The following LMO3 variants were observed in gnomAD, a reference collection of about 807,000 sequenced individuals.
The protein encoded by LMO3 is LIM domain only 3, also known as LIM domain only protein 3.
A neutral mutation model predicts 15.8 loss-of-function variants in LMO3; 2 were observed. The observed-to-expected ratio is 0.13, with a 90% CI of 0.05 to 0.40. The LOEUF is 0.40. LMO3 is among the 10% of genes least tolerant of loss of function. The pLI is 0.99. For synonymous variants in LMO3, 62 were observed against 63.8 expected, an observed-to-expected ratio of 0.97 and a Z score of 0.13; for missense variants, 86 against 182.2, an observed-to-expected ratio of 0.47 and a Z score of 3.04.
intron 1 of LMO3, chr12:16,605,277 T>G: frequency 8.3e-7 from 1 of 1,200,624 alleles, no homozygotes; most frequent in Non-Finnish European, 1.0e-6. Context: ...TCATGTTCAA[T>G]ATGAAAAAGA....
Position 16,597,312 on chromosome 12 carries a change from A to G in LMO3, c.206+3343T>C, listed in dbSNP as rs1943690184. ...AATGGAAAGACATCAAATTTTCCAT[A>G]ATAATAGTTTCTATAACCCTTAAGA... is the stretch of plus-strand genomic sequence containing the variant. On this transcript the variant is annotated intron_variant, in intron 2 of 3. Transcript: ENST00000537304. The surrounding 1 kb of genome is among the most constrained non-coding windows in gnomAD (Gnocchi z 5.0). Among the ~76,000 whole-genome samples, 1 of 151,836 alleles carries G rather than the reference A, an allele frequency of 6.6e-6. No individual in the cohort carries two copies. Among genetic ancestry groups the G allele is most frequent in the Non-Finnish European group, 1.5e-5 (1 of 67,774 alleles).
At position 16,548,888 on chromosome 12, in the gene LMO3, A is replaced by G. The variant is rs1246265338; in HGVS notation, c.*2334T>C. 1.3e-5 allele frequency: 2 copies of G among 152,182 alleles called. No homozygotes were observed. The highest frequency in any genetic ancestry group is 4.8e-5 in the African/African-American group (2 of 41,444). The allele number at this position is 152,182 out of a possible 1,614,324, so 9.4% of individuals were successfully genotyped here. The stretch of plus-strand genomic sequence containing the variant: ...AGTAATTTTGTTTGTAGTAAAAAGC[A>G]TAAGAAATAATTCTCAGCATATTAT... On this transcript the variant is annotated 3_prime_UTR_variant, in exon 4 of 4. Coordinates refer to ENST00000537304, the MANE Select transcript of LMO3 (RefSeq NM_018640.5). This position sits in a 1 kb window ranked among gnomAD's most constrained non-coding sequence, Gnocchi z 4.2.
At chr12:16,556,393 C>A (rs976637676) in intron 3 of LMO3, among the ~76,000 whole-genome samples, 6 of 152,082 alleles carry the variant, frequency 3.9e-5, no homozygotes, top group Admixed American at 6.5e-5. Context: ...TAGCTATACG[C>A]CTCTAAAAGG....
intron 2 of LMO3, among the ~76,000 whole-genome samples, chr12:16,563,853 T>C (rs1347804675): frequency 6.6e-6 from 1 of 152,228 alleles, no homozygotes; most frequent in East Asian, 1.9e-4. Context: ...AATAAGCTCA[T>C]TGATCTATTT....
chr12:16,552,141 C>T (rs1429250103), intron 3 of LMO3, among the ~76,000 whole-genome samples: 3 of 152,034 alleles, frequency 2.0e-5, no homozygotes, highest in East Asian at 3.9e-4. Context: ...GATTTCCCCA[C>T]GGTGACACTT....
chr12:16,562,388 G>A (rs1942437966), intron 2 of LMO3, among the ~76,000 whole-genome samples: 2 of 152,090 alleles, frequency 1.3e-5, no homozygotes, highest in African/African-American at 2.4e-5. Flanking sequence ...GTTAACATGC[G>A]ATAAAGCCGT....
rs187686901 is a variant in LMO3 at position 16,593,756 on chromosome 12, A to C, written c.206+6899T>G. ...TGATAATAAAGGGGGGAAAGGCATA[A>C]GCCAAAGGAATTGTTTTAAAGTTAG... On this transcript the variant is annotated intron_variant, in intron 2 of 3. Coordinates refer to ENST00000537304, the MANE Select transcript of LMO3 (RefSeq NM_018640.5). This position sits in a 1 kb window ranked among gnomAD's most constrained non-coding sequence, Gnocchi z 4.2. 4.3e-3 allele frequency among the ~76,000 whole-genome samples: 648 copies of C among 151,896 alleles called. 1 individual carries two copies. The highest frequency in any genetic ancestry group is 6.4e-3 in the Non-Finnish European group (436 of 67,724).
At chr12:16,573,663 TCCCTTCCTGC>T (rs1057210755) in intron 2 of LMO3, 4 of 152,276 alleles carry the variant, frequency 2.6e-5, no homozygotes, top group Admixed American at 6.5e-5. Context: ...TCTCTGAGGC[TCCCTTCCTGC>T]TCTGCTCGAG....
Position 16,552,956 on chromosome 12 carries a change from T to C in LMO3, c.333-1629A>G, listed in dbSNP as rs148142240. Among the ~76,000 whole-genome samples, 847 of 152,210 alleles carry C rather than the reference T, an allele frequency of 5.6e-3. 3 individuals carry two copies. Among genetic ancestry groups the C allele is most frequent in the Non-Finnish European group, 8.3e-3 (564 of 67,946 alleles). ...GGTCCAAACTCTACCTTCCCACTTA[T>C]GATAATTGAAAATAAAACTTTGGTT... On this transcript the variant is annotated intron_variant, in intron 3 of 3. Transcript: ENST00000537304.
Position 16,568,206 on chromosome 12 carries a change from G to T in LMO3, c.207-7668C>A, listed in dbSNP as rs185049733. 1.7e-4 allele frequency among the ~76,000 whole-genome samples: 26 copies of T among 152,270 alleles called. No individual in the cohort carries two copies. The East Asian group carries it at 5.0e-3, about 29-fold the overall frequency. ...ACTACACAAGACTTGTAAGAACCTA[G>T]CATTACAGAAGAATCAAGTCAAGCT... On this transcript the variant is annotated intron_variant, in intron 2 of 3. Transcript: ENST00000537304.
chr12:16,574,920 G>A (rs1942943363), intron 2 of LMO3, among the ~76,000 whole-genome samples: 1 of 152,128 alleles, frequency 6.6e-6, no homozygotes, highest in Non-Finnish European at 1.5e-5. Context: ...GAGTCTATGT[G>A]TTCTGATACC....
chr12:16,601,654 A>C (rs1206268406), intron 1 of LMO3, among the ~76,000 whole-genome samples: 1 of 152,212 alleles, frequency 6.6e-6, no homozygotes, highest in Non-Finnish European at 1.5e-5. Context: ...GGAAAGAAAA[A>C]ACAATAGAAG....
At chr12:16,605,343 G>A in intron 1 of LMO3, 1 of 1,155,846 alleles carries the variant, frequency 8.7e-7, no homozygotes, top group Non-Finnish European at 1.1e-6. Context: ...CGTAAAAAAT[G>A]TGCTGCATCA....
chr12:16,584,990 G>A lies in LMO3; in HGVS notation c.206+15665C>T, dbSNP rs769424514. On this transcript the variant is annotated intron_variant, in intron 2 of 3. Coordinates refer to ENST00000537304, the MANE Select transcript of LMO3 (RefSeq NM_018640.5). The surrounding 1 kb of genome is among the most constrained non-coding windows in gnomAD (Gnocchi z 5.2). ...AAAAGTTACATACTAGTAGCTGTGT[G>A]CCACATTAGAGTTAGTTGCCAATGT... Among the ~76,000 whole-genome samples the A allele has an allele frequency of 6.6e-6, 1 of 152,174 alleles. No homozygotes were observed. Among genetic ancestry groups the A allele is most frequent in the Non-Finnish European group, 1.5e-5 (1 of 68,010 alleles).
chr12:16,602,693 C>A (rs1220931408), intron 1 of LMO3, among the ~76,000 whole-genome samples: 3 of 152,188 alleles, frequency 2.0e-5, no homozygotes, highest in Non-Finnish European at 4.4e-5. Context: ...CTCTCTAGAA[C>A]TTCTAACAAA....
chr12:16,568,979 C>G (rs1942716772), intron 2 of LMO3, among the ~76,000 whole-genome samples: 1 of 152,138 alleles, frequency 6.6e-6, no homozygotes, highest in Non-Finnish European at 1.5e-5. Flanking sequence ...AATATGTATG[C>G]TAATAGTGTG....
chr12:16,585,323 G>T lies in LMO3; in HGVS notation c.206+15332C>A, dbSNP rs1186030687. Among the ~76,000 whole-genome samples the T allele has an allele frequency of 6.6e-6, 1 of 152,066 alleles. No individual in the cohort carries two copies. Among genetic ancestry groups the T allele is most frequent in the African/African-American group, 2.4e-5 (1 of 41,396 alleles). ...ATTACTGCTTCAAGAAAAAGGATTT[G>T]CATATTTGTGTATATATTTTTAAAA... On this transcript the variant is annotated intron_variant, in intron 2 of 3. Transcript: ENST00000537304. The surrounding 1 kb of genome is among the most constrained non-coding windows in gnomAD (Gnocchi z 4.7).
intron 1 of LMO3, chr12:16,605,233 A>T: frequency 7.7e-7 from 1 of 1,298,918 alleles, no homozygotes; most frequent in Non-Finnish European, 9.8e-7. Context: ...AATGGATTTG[A>T]TTAAACTGTC....
chr12:16,594,689 C>A (rs888382351), intron 2 of LMO3, among the ~76,000 whole-genome samples: 2 of 151,542 alleles, frequency 1.3e-5, no homozygotes. Flanking sequence ...TAGGTTGGTG[C>A]AATTCTTTTT....
Sources: gnomAD v4.1 joint callset for allele counts (sites outside exome capture counted in the v4.1 genomes callset) on GRCh38, gnomAD v4.1.1 for gene constraint, Gnocchi (gnomAD v3.1) non-coding constraint, MANE v1.5 for transcripts, NCBI Gene and HGNC (gene_info 2026-07-23, HGNC 2026-07-21) for gene names.